PEBP1: variants seen among roughly 807,000 people sequenced by gnomAD.
PEBP1 encodes phosphatidylethanolamine binding protein 1, also known as phosphatidylethanolamine-binding protein 1.
Under a neutral mutation model 22.7 loss-of-function variants are expected in PEBP1, and 17 were observed. The observed-to-expected ratio is 0.75, with a 90% CI of 0.51 to 1.12. The LOEUF (loss-of-function observed/expected upper bound fraction) is 1.12. PEBP1 is among the 50% of genes most tolerant of loss of function. The pLI, the probability that PEBP1 is intolerant of heterozygous loss-of-function variation, is 0.00. For synonymous variants in PEBP1, 106 were observed against 104.3 expected (o/e 1.02, Z -0.10); for missense variants, 205 against 243.5 (o/e 0.84, Z 1.05).
At chr12:118,138,257 A>G in intron 2 of PEBP1, 109 bp downstream of exon 2, 1 of 749,648 alleles carries the variant, frequency 1.3e-6, no homozygotes, top group Non-Finnish European at 2.3e-6. Context: ...GCCCCCACCC[A>G]TGCTTAAGCC....
intron 1 of PEBP1, among the ~76,000 whole-genome samples, chr12:118,137,614 T>G (rs1268438202): frequency 2.0e-5 from 3 of 152,008 alleles, no homozygotes; most frequent in Non-Finnish European, 4.4e-5. Flanking sequence ...CAATACAGGG[T>G]CATTGATTTT....
chr12:118,144,581 C>A lies in PEBP1; in HGVS notation c.347-5C>A. The A allele has an allele frequency of 6.2e-7, 1 of 1,610,392 alleles. No homozygotes were observed. The highest frequency in any genetic ancestry group is 1.1e-5 in the South Asian group (1 of 90,358). Reference sequence around the variant, plus strand: ...TGTACATCTTCCCTCTGCCTCTCCCCACAGGCCTCCACCGCTATGTCTGGC... The same window carrying A: ...TGTACATCTTCCCTCTGCCTCTCCCAACAGGCCTCCACCGCTATGTCTGGC... On this transcript the variant is annotated splice_region_variant and splice_polypyrimidine_tract_variant and intron_variant, in intron 3 of 3. Coordinates refer to ENST00000261313, the MANE Select transcript of PEBP1 (RefSeq NM_002567.4).
chr12:118,144,839 C>T lies in PEBP1; in HGVS notation c.*36C>T, dbSNP rs375333263. ...TGGGGACCTGAACTGTCCTGGAGGC[C>T]CCAAGCCATGTTCCCCAGTTCAGTG... On this transcript the variant is annotated 3_prime_UTR_variant, in exon 4 of 4. Coordinates refer to ENST00000261313, the MANE Select transcript of PEBP1 (RefSeq NM_002567.4). 1.1e-4 allele frequency: 175 copies of T among 1,612,668 alleles called. 1 individual carries two copies. The highest frequency in any genetic ancestry group is 3.3e-5 in the South Asian group (3 of 91,044).
intron 3 of PEBP1, 83 bp downstream of exon 3, chr12:118,139,634 A>T: frequency 1.2e-6 from 1 of 834,792 alleles, no homozygotes; most frequent in South Asian, 1.5e-5. Context: ...TTCTTTTGAG[A>T]GCCCTTAACC....
intron 3 of PEBP1, among the ~76,000 whole-genome samples, chr12:118,140,135 A>T (rs1379655909): frequency 6.6e-6 from 1 of 152,142 alleles, no homozygotes; most frequent in Non-Finnish European, 1.5e-5. Context: ...ATATTTAGAG[A>T]TAGAAAGAGA....
At chr12:118,142,826 CTTTTTTT>C (rs374392598) in intron 3 of PEBP1, among the ~76,000 whole-genome samples, 15 of 93,638 alleles carry the variant, frequency 1.6e-4, no homozygotes, top group Middle Eastern at 6.8e-3. Context: ...ACTACATTCA[CTTTTTTT>C]TTTTTTTTTT....
intron 3 of PEBP1, among the ~76,000 whole-genome samples, chr12:118,143,219 C>T (rs1478923796): frequency 3.3e-5 from 5 of 152,150 alleles, no homozygotes; most frequent in Non-Finnish European, 7.3e-5. Context: ...ACCCTGTCCC[C>T]ATTGACCAAC....
intron 2 of PEBP1, 138 bp from the exon 3 acceptor site, chr12:118,139,311 CAA>C (rs35893505): frequency 0.31 from 134,957 of 433,600 alleles, 9,837 homozygotes; most frequent in African/African-American, 0.44. Context: ...GACTCTGTCT[CAA>C]AAAAAAAAAA....
chr12:118,145,318 T>C lies in PEBP1; in HGVS notation c.*515T>C. 1 of 293,994 alleles carries C rather than the reference T, an allele frequency of 3.4e-6. No homozygotes were observed. The allele number at this position is 293,994 out of a possible 1,614,324, so 18.2% of individuals were successfully genotyped here. On this transcript the variant is annotated 3_prime_UTR_variant, in exon 4 of 4. Coordinates refer to ENST00000261313, the MANE Select transcript of PEBP1 (RefSeq NM_002567.4). ...AACCTCCAACACAGTGCATCTCAGA[T>C]GCCTCAGTAGGCATCAGTATGTCAC...
intron 3 of PEBP1, 98 bp downstream of exon 3, chr12:118,139,649 T>G (rs77598459): frequency 2.8e-6 from 2 of 711,570 alleles, no homozygotes; most frequent in South Asian, 3.4e-5. Context: ...TTAACCCTGC[T>G]GGAAATAGCA....
rs2034053447 is a variant in PEBP1, at chr12:118,136,126, T to C, written c.-84T>C. 7 of 1,470,614 alleles carry C rather than the reference T, an allele frequency of 4.8e-6. No individual in the cohort carries two copies. In the South Asian group the frequency reaches 8.6e-5, roughly 18 times the overall value. The allele number at this position is 1,470,614 out of a possible 1,614,324, so 91.1% of individuals were successfully genotyped here. A position where few individuals can be genotyped will look rare whatever the true frequency, so the allele number is the denominator to read the frequency against. On this transcript the variant is annotated 5_prime_UTR_variant, in exon 1 of 4. Coordinates refer to ENST00000261313, the MANE Select transcript of PEBP1 (RefSeq NM_002567.4). The surrounding 1 kb of genome is among the most constrained non-coding windows in gnomAD (Gnocchi z 5.6). The stretch of plus-strand genomic sequence containing the variant: ...CTGGGTCTGCGTCTTCCCGAGCCAG[T>C]GTGCTGAGCTCTCCGCGTCGCCTCT...
At chr12:118,137,993 T>A (rs2034081525) in intron 1 of PEBP1, 46 bp from the exon 2 acceptor site, 2 of 1,340,500 alleles carry the variant, frequency 1.5e-6, no homozygotes. Flanking sequence ...AGCCAGTTTC[T>A]TCAGCATTTC....
At position 118,136,410 on chromosome 12, in the gene PEBP1, G is replaced by T; in HGVS notation, c.135+66G>T. The T allele has an allele frequency of 6.8e-7, 1 of 1,479,442 alleles. No homozygotes were observed. The highest frequency in any genetic ancestry group is 8.9e-7 in the Non-Finnish European group (1 of 1,120,272). The allele number at this position is 1,479,442 out of a possible 1,614,324, so 91.6% of individuals were successfully genotyped here. On this transcript the variant is annotated intron_variant, in intron 1 of 3. Coordinates refer to ENST00000261313, the MANE Select transcript of PEBP1 (RefSeq NM_002567.4). The surrounding 1 kb of genome is among the most constrained non-coding windows in gnomAD (Gnocchi z 5.6). ...GAGGCCTGTGCCGGCCTCCTGGGTG[G>T]GACCCAGCGGAGACAGGGCCAGGGG...
chr12:118,142,646 T>G (rs2034123518), intron 3 of PEBP1, among the ~76,000 whole-genome samples: 1 of 151,830 alleles, frequency 6.6e-6, no homozygotes, highest in African/African-American at 2.4e-5. Flanking sequence ...CTGGCTAATT[T>G]TTATATTTTT....
At chr12:118,144,469 T>G (rs1024305589) in intron 3 of PEBP1, 117 bp from the exon 4 acceptor site, 4 of 942,400 alleles carry the variant, frequency 4.2e-6, no homozygotes, top group Non-Finnish European at 6.6e-6. Flanking sequence ...CTCGGTGTCC[T>G]CCTTGTAAAT....
rs1490213653 is a variant in PEBP1 at position 118,136,539 on chromosome 12, C to G, written c.135+195C>G. ...CCACCCCGAGCACCGGGAACCCGGC[C>G]TGTGGCGTGGCCAGGCAGGTTCGGC... On this transcript the variant is annotated intron_variant, in intron 1 of 3. Transcript: ENST00000261313. The surrounding 1 kb of genome is among the most constrained non-coding windows in gnomAD (Gnocchi z 5.6). Among the ~76,000 whole-genome samples, 1 of 152,240 alleles carries G rather than the reference C, an allele frequency of 6.6e-6. No individual in the cohort carries two copies. The highest frequency in any genetic ancestry group is 6.5e-5 in the Admixed American group (1 of 15,290).
At chr12:118,141,025 A>G (rs1331816109) in intron 3 of PEBP1, among the ~76,000 whole-genome samples, 2 of 152,162 alleles carry the variant, frequency 1.3e-5, no homozygotes, top group South Asian at 2.1e-4. Flanking sequence ...TGACATTTCC[A>G]TCGCCCAACG....
At chr12:118,142,757 G>A (rs1191398274) in intron 3 of PEBP1, among the ~76,000 whole-genome samples, 1 of 150,712 alleles carries the variant, frequency 6.6e-6, no homozygotes, top group Non-Finnish European at 1.5e-5. Context: ...GATTACAGGT[G>A]TGAGCCACTG....
intron 3 of PEBP1, among the ~76,000 whole-genome samples, chr12:118,143,154 T>C (rs1019984904): frequency 6.6e-6 from 1 of 152,146 alleles, no homozygotes; most frequent in Non-Finnish European, 1.5e-5. Context: ...GCCCGACCAC[T>C]ACATTCACAT....
Sources: allele counts gnomAD v4.1 joint callset (sites outside exome capture counted in the v4.1 genomes callset), GRCh38; gene constraint gnomAD v4.1.1; non-coding constraint Gnocchi (gnomAD v3.1); transcripts MANE v1.5; gene names NCBI Gene and HGNC (gene_info 2026-07-23, HGNC 2026-07-21).